The following FOXK1 variants were observed in gnomAD, a reference collection of about 807,000 sequenced individuals.
The protein encoded by FOXK1 is forkhead box K1.
A neutral mutation model predicts 51.9 loss-of-function variants in FOXK1; 19 were observed. The ratio of observed to expected loss-of-function variants is 0.37; its 90% CI spans 0.26 to 0.54. The LOEUF (loss-of-function observed/expected upper bound fraction) is 0.54. Ranked by LOEUF, FOXK1 falls within the 20% of genes least tolerant of loss-of-function variation. The pLI, the probability that FOXK1 is intolerant of heterozygous loss-of-function variation, is 0.87. For missense variants in FOXK1, 870 were observed against 1,032.7 expected, an observed-to-expected ratio of 0.84 and a Z score of 2.16; for synonymous variants, 537 against 482.6, an observed-to-expected ratio of 1.11 and a Z score of -1.48.
At chr7:4,728,164 C>G (rs1003969792) in intron 1 of FOXK1, among the ~76,000 whole-genome samples, 3 of 152,186 alleles carry the variant, frequency 2.0e-5, no homozygotes, top group African/African-American at 7.2e-5. Context: ...CCCCCCGCCT[C>G]CAGTGGAGAT....
Position 4,761,147 on chromosome 7 carries a change from C to T in FOXK1, c.1780C>T (p.Pro594Ser), listed in dbSNP as rs1780926694. Reference sequence around the variant, plus strand: ...CCAGACGGTGGCCAGCCAGATGGCCCCCGGGGTCCCCGGACACACGGTCAC... The same window carrying T: ...CCAGACGGTGGCCAGCCAGATGGCCTCCGGGGTCCCCGGACACACGGTCAC... The part of the protein sequence containing the change: ...VIQTVASQMA[P>S]GVPGHTVTIL... The change falls in exon 8 of 9, where the codon CCC becomes TCC. Residue 594 changes from proline (P) to serine (S), a missense_variant. By Grantham distance (74) the Pro-to-Ser change is moderately conservative (BLOSUM62 -1). Coordinates refer to ENST00000328914, the MANE Select transcript of FOXK1 (RefSeq NM_001037165.2). The surrounding 1 kb of genome is among the most constrained non-coding windows in gnomAD (Gnocchi z 6.2). 6.2e-7 allele frequency: 1 copy of T among 1,612,850 alleles called. No individual in the cohort carries two copies. The highest frequency in any genetic ancestry group is 8.5e-7 in the Non-Finnish European group (1 of 1,180,006).
Position 4,755,113 on chromosome 7 carries a change from G to A in FOXK1, c.904-124G>A. 1 of 1,242,468 alleles carries A rather than the reference G, an allele frequency of 8.0e-7. No individual in the cohort carries two copies. Among genetic ancestry groups the A allele is most frequent in the Non-Finnish European group, 1.1e-6 (1 of 899,666 alleles). The allele number at this position is 1,242,468 out of a possible 1,614,324, so 77.0% of individuals were successfully genotyped here. ...TAATGGGATAGTTGGAGGGCACTGG[G>A]ACGGGTGCCGGCAAGACGCGCACAT... On this transcript the variant is annotated intron_variant, in intron 3 of 8. Coordinates refer to ENST00000328914, the MANE Select transcript of FOXK1 (RefSeq NM_001037165.2). The surrounding 1 kb of genome is among the most constrained non-coding windows in gnomAD (Gnocchi z 6.6).
At position 4,722,266 on chromosome 7, in the gene FOXK1, TTCCCGAGCG is replaced by T. The variant is rs143777852; in HGVS notation, c.561-18567_561-18559del. On this transcript the variant is annotated intron_variant, in intron 1 of 8. Coordinates refer to ENST00000328914, the MANE Select transcript of FOXK1 (RefSeq NM_001037165.2). The surrounding 1 kb of genome is among the most constrained non-coding windows in gnomAD (Gnocchi z 5.1). ...CAAGCTGGCTTTGCATTCTCTGCCT[TTCCCGAGCG>T]TCCCTGCCTCAGATTCCAAAATCTG... is the stretch of plus-strand genomic sequence containing the variant. Among the ~76,000 whole-genome samples, 10,179 of 152,288 alleles carry T rather than the reference TTCCCGAGCG, an allele frequency of 0.067. 482 individuals carry two copies. Among genetic ancestry groups the T allele is most frequent in the Non-Finnish European group, 0.11 (7,225 of 68,006 alleles).
In FOXK1 at chr7:4,689,254, A is replaced by G. The variant is rs1779860569; in HGVS notation, c.560+6386A>G. 2.6e-5 allele frequency among the ~76,000 whole-genome samples: 4 copies of G among 152,152 alleles called. No individual in the cohort carries two copies. In the South Asian group the frequency reaches 8.3e-4, roughly 32 times the overall value. On this transcript the variant is annotated intron_variant, in intron 1 of 8. Transcript: ENST00000328914. ...CAGCCTCCCAGAGTGCCGGGATTGCAGATGTGAGCCACTGCACCCGGCCAC... is the reference window on the plus strand; with the variant it reads ...CAGCCTCCCAGAGTGCCGGGATTGCGGATGTGAGCCACTGCACCCGGCCAC...
rs1302811700 is a variant in FOXK1 at position 4,745,410 on chromosome 7, G to A, written c.746+4387G>A. 6.7e-6 allele frequency among the ~76,000 whole-genome samples: 1 copy of A among 150,276 alleles called. No homozygotes were observed. Among genetic ancestry groups the A allele is most frequent in the Admixed American group, 6.6e-5 (1 of 15,130 alleles). ...GCGCCACCCTGCGTCCTTCCTTTCC[G>A]TTTCTCGCAGGCCCTCGCTCCTTTT... On this transcript the variant is annotated intron_variant, in intron 2 of 8. Coordinates refer to ENST00000328914, the MANE Select transcript of FOXK1 (RefSeq NM_001037165.2). The surrounding 1 kb of genome is among the most constrained non-coding windows in gnomAD (Gnocchi z 4.3).
rs190201316 is a variant in FOXK1, at chr7:4,738,432, G to A, written c.561-2406G>A. On this transcript the variant is annotated intron_variant, in intron 1 of 8. Transcript: ENST00000328914. ...AGCCCGGATGACAGAGCAAGACTCC[G>A]TCTCAAAAAAAAAAAAAAGAAAAAA... 1.7e-3 allele frequency among the ~76,000 whole-genome samples: 251 copies of A among 146,526 alleles called. 2 individuals are homozygous for A. Among genetic ancestry groups the A allele is most frequent in the African/African-American group, 5.9e-3 (235 of 39,550 alleles).
chr7:4,684,252 G>T (rs1342482760), intron 1 of FOXK1, among the ~76,000 whole-genome samples: 1 of 152,174 alleles, frequency 6.6e-6, no homozygotes, highest in Non-Finnish European at 1.5e-5. Context: ...TCTTCAATGT[G>T]GTTCTTGTTC....
chr7:4,746,751 C>T (rs1297279947), intron 2 of FOXK1, among the ~76,000 whole-genome samples: 3 of 152,230 alleles, frequency 2.0e-5, no homozygotes, highest in Non-Finnish European at 4.4e-5. Context: ...TTCAGCAGGG[C>T]TGCAGGAGGA....
At position 4,740,902 on chromosome 7, in the gene FOXK1, G is replaced by A. The variant is rs544268560; in HGVS notation, c.625G>A (p.Glu209Lys). ...IQFTSLYHKE[E>K]APASPLRPLY... ...GTTCACGTCGCTCTATCACAAAGAAGAGGCCCCAGCCTCCCCGCTGCGGCC... is the reference window on the plus strand; with the variant it reads ...GTTCACGTCGCTCTATCACAAAGAAAAGGCCCCAGCCTCCCCGCTGCGGCC... The change falls in exon 2 of 9, where the codon GAG becomes AAG. Residue 209 changes from glutamate (E) to lysine (K), a missense_variant. Physicochemically the swap from Glu to Lys is moderately conservative, Grantham distance 56. Around this residue, in one of 3 missense-constraint regions of FOXK1, gnomAD observed 399 missense variants for 475.6 expected, o/e 0.84. Transcript: ENST00000328914. 152 of 1,590,902 alleles carry A rather than the reference G, an allele frequency of 9.6e-5. 1 individual carries two copies. In the South Asian group the frequency reaches 1.5e-3, roughly 16 times the overall value.
intron 1 of FOXK1, among the ~76,000 whole-genome samples, chr7:4,686,600 C>T (rs1367176757): frequency 1.3e-5 from 2 of 152,084 alleles, no homozygotes; most frequent in Admixed American, 6.6e-5. Context: ...CCCGGGTCTC[C>T]GTGATAGCGT....
rs1023156480 is a variant in FOXK1, at chr7:4,762,895, C to T, written c.*431C>T. ...GCACACACCAAGGCTGCCGGGGAGG[C>T]CCGGGCACCGGACAGATGCCTGTTG... On this transcript the variant is annotated 3_prime_UTR_variant, in exon 9 of 9. Coordinates refer to ENST00000328914, the MANE Select transcript of FOXK1 (RefSeq NM_001037165.2). This position sits in a 1 kb window ranked among gnomAD's most constrained non-coding sequence, Gnocchi z 5.7. The T allele has an allele frequency of 1.7e-5, 3 of 172,234 alleles. No homozygotes were observed. Among genetic ancestry groups the T allele is most frequent in the Non-Finnish European group, 1.3e-5 (1 of 79,772 alleles). The allele number at this position is 172,234 out of a possible 1,614,324, so 10.7% of individuals were successfully genotyped here.
At chr7:4,700,976 G>A (rs752216177) in intron 1 of FOXK1, among the ~76,000 whole-genome samples, 3 of 152,174 alleles carry the variant, frequency 2.0e-5, no homozygotes, top group Non-Finnish European at 4.4e-5. Context: ...GTTGTTGCAG[G>A]GCAGTGGGAA....
chr7:4,736,706 G>C (rs909889975), intron 1 of FOXK1, among the ~76,000 whole-genome samples: 1 of 152,280 alleles, frequency 6.6e-6, no homozygotes, highest in East Asian at 1.9e-4. Context: ...GAGCCTCCGT[G>C]CCCAGCCCAT....
At position 4,745,367 on chromosome 7, in the gene FOXK1, C is replaced by T. The variant is rs1780689116; in HGVS notation, c.746+4344C>T. On this transcript the variant is annotated intron_variant, in intron 2 of 8. Coordinates refer to ENST00000328914, the MANE Select transcript of FOXK1 (RefSeq NM_001037165.2). The surrounding 1 kb of genome is among the most constrained non-coding windows in gnomAD (Gnocchi z 4.3). ...CTGGGGGAGCCTCCCTGATCAGCTG[C>T]CCCTGCCCCCGCCCCCCGCGCCACC... Among the ~76,000 whole-genome samples the T allele has an allele frequency of 6.6e-6, 1 of 152,002 alleles. No homozygotes were observed. Among genetic ancestry groups the T allele is most frequent in the Non-Finnish European group, 1.5e-5 (1 of 67,990 alleles).
intron 1 of FOXK1, among the ~76,000 whole-genome samples, chr7:4,713,859 C>T (rs928690649): frequency 1.3e-5 from 2 of 151,310 alleles, no homozygotes; most frequent in Admixed American, 6.6e-5. Flanking sequence ...GAGTTTTGCT[C>T]TTGTTGCCCA....
intron 1 of FOXK1, among the ~76,000 whole-genome samples, chr7:4,684,921 T>C (rs1048182252): frequency 5.9e-5 from 9 of 152,022 alleles, no homozygotes; most frequent in African/African-American, 2.2e-4. Context: ...TGAAATGTTA[T>C]CGGTGTATAC....
At chr7:4,695,526 G>A (rs542314507) in intron 1 of FOXK1, among the ~76,000 whole-genome samples, 71 of 152,274 alleles carry the variant, frequency 4.7e-4, no homozygotes, top group African/African-American at 1.7e-3. Context: ...GGCTCAAGGC[G>A]GGGCGCGGTG....
rs1486584611 is a variant in FOXK1, at chr7:4,735,284, A to G, written c.561-5554A>G. ...ATCAGCTTCTGGGTGGACCTGGGAA[A>G]AACCCAGGGCTGGAGTAGACCCTCA... On this transcript the variant is annotated intron_variant, in intron 1 of 8. Coordinates refer to ENST00000328914, the MANE Select transcript of FOXK1 (RefSeq NM_001037165.2). This position sits in a 1 kb window ranked among gnomAD's most constrained non-coding sequence, Gnocchi z 4.7. 3.3e-5 allele frequency among the ~76,000 whole-genome samples: 5 copies of G among 152,268 alleles called. No individual in the cohort carries two copies. The East Asian group carries it at 7.7e-4, about 24-fold the overall frequency.
At chr7:4,713,572 A>T (rs1281344911) in intron 1 of FOXK1, among the ~76,000 whole-genome samples, 5 of 149,288 alleles carry the variant, frequency 3.3e-5, no homozygotes, top group Non-Finnish European at 1.5e-5. Context: ...GCTCACCACA[A>T]CCTCCCCCTC....
Sources: gnomAD v4.1 joint callset for allele counts (sites outside exome capture counted in the v4.1 genomes callset) on GRCh38, gnomAD v4.1.1 for gene constraint, gnomAD v4.1.1 regional missense constraint, Gnocchi (gnomAD v3.1) non-coding constraint, MANE v1.5 for transcripts, NCBI Gene and HGNC (gene_info 2026-07-23, HGNC 2026-07-21) for gene names.